Variants in PTPRD observed in about 807,000 individuals in gnomAD.
PTPRD encodes the protein protein tyrosine phosphatase receptor type D, also known as receptor-type tyrosine-protein phosphatase delta.
A neutral mutation model predicts 214.5 loss-of-function variants in PTPRD; 34 were observed. That is an observed-to-expected ratio of 0.16 (90% confidence interval 0.12 to 0.21). The LOEUF is 0.21. Among genes scored for constraint, PTPRD ranks in the 10% least tolerant of loss-of-function variants. The pLI, the probability that PTPRD is intolerant of heterozygous loss-of-function variation, is 1.00. For missense variants in PTPRD, 2,545 were observed against 2,398.7 expected, an observed-to-expected ratio of 1.06 and a Z score of -1.27; for synonymous variants, 1,128 against 845.7, an observed-to-expected ratio of 1.33 and a Z score of -5.79.
chr9:8,796,919 T>C (rs1456979322), intron 11 of PTPRD, among the ~76,000 whole-genome samples: 3 of 152,128 alleles, frequency 2.0e-5, no homozygotes, highest in African/African-American at 7.2e-5. Flanking sequence ...CAGAGTATTT[T>C]CCATGTTAAA....
intron 10 of PTPRD, among the ~76,000 whole-genome samples, chr9:9,114,147 A>G (rs981775819): frequency 4.6e-5 from 7 of 152,202 alleles, no homozygotes; most frequent in Non-Finnish European, 1.0e-4. Context: ...GTCAATGCAA[A>G]CAAAACAAGA....
chr9:9,185,347 C>T (rs2099930685), intron 9 of PTPRD, among the ~76,000 whole-genome samples: 1 of 151,992 alleles, frequency 6.6e-6, no homozygotes, highest in African/African-American at 2.4e-5. Context: ...CACTTCTCTC[C>T]CTTTCCCCTA....
chr9:9,859,594 T>C (rs527979328), intron 5 of PTPRD, among the ~76,000 whole-genome samples: 5 of 152,342 alleles, frequency 3.3e-5, no homozygotes, highest in East Asian at 1.9e-4. Context: ...CTTGTCATAT[T>C]TGTATAAATA....
At chr9:9,326,382 G>T (rs940492610) in intron 9 of PTPRD, among the ~76,000 whole-genome samples, 1 of 151,946 alleles carries the variant, frequency 6.6e-6, no homozygotes, top group Non-Finnish European at 1.5e-5. Flanking sequence ...AATTAACAAA[G>T]AATTATGAAA....
intron 11 of PTPRD, among the ~76,000 whole-genome samples, chr9:8,999,054 A>T (rs1260803100): frequency 6.6e-6 from 1 of 152,078 alleles, no homozygotes; most frequent in Non-Finnish European, 1.5e-5. Context: ...ATTGCATGAG[A>T]CGGAATCTAC....
At chr9:10,462,722 G>T (rs895355652) in intron 2 of PTPRD, among the ~76,000 whole-genome samples, 2 of 147,802 alleles carry the variant, frequency 1.4e-5, no homozygotes, top group African/African-American at 5.2e-5. Flanking sequence ...GGAAAAAAAA[G>T]AAGGATATAA....
chr9:10,394,701 C>A (rs996324913), intron 2 of PTPRD, among the ~76,000 whole-genome samples: 1 of 151,708 alleles, frequency 6.6e-6, no homozygotes, highest in African/African-American at 2.4e-5. Context: ...ATCTGGGGCA[C>A]AATTTTATTT....
intron 11 of PTPRD, among the ~76,000 whole-genome samples, chr9:8,988,890 T>A (rs966376715): frequency 1.3e-5 from 2 of 152,124 alleles, no homozygotes; most frequent in Non-Finnish European, 2.9e-5. Flanking sequence ...AGAGATATCA[T>A]TCAGAAGAAA....
At chr9:9,038,344 G>C (rs1330885958) in intron 10 of PTPRD, among the ~76,000 whole-genome samples, 2 of 152,074 alleles carry the variant, frequency 1.3e-5, no homozygotes, top group Non-Finnish European at 2.9e-5. Context: ...CTTCGTCTCA[G>C]ATGTATTCAT....
intron 3 of PTPRD, among the ~76,000 whole-genome samples, chr9:10,337,974 T>C (rs1173144423): frequency 2.0e-5 from 3 of 151,726 alleles, no homozygotes; most frequent in Non-Finnish European, 4.4e-5. Context: ...TAAAATTTTT[T>C]TTAAATTTAT....
chr9:8,849,383 C>T (rs1056253652), intron 11 of PTPRD, among the ~76,000 whole-genome samples: 16 of 151,888 alleles, frequency 1.1e-4, no homozygotes, highest in Admixed American at 4.6e-4. Context: ...CCCACCACCA[C>T]GCCCAGCTTA....
chr9:8,647,288 G>T (rs573377802), intron 12 of PTPRD, among the ~76,000 whole-genome samples: 1 of 151,854 alleles, frequency 6.6e-6, no homozygotes, highest in Non-Finnish European at 1.5e-5. Flanking sequence ...CTAATTGTAC[G>T]TATTTATTAT....
At position 10,477,577 on chromosome 9, in the gene PTPRD, TCTTCAAGGA is replaced by T. The variant is rs1478171833; in HGVS notation, c.-600+134812_-600+134820del. On this transcript the variant is annotated intron_variant, in intron 2 of 45. Transcript: ENST00000381196. ...CCATTGTGGAAGACAGTGTGGTGATTCTTCAAGGATCTAGAACCAGAAATACCATTTGAC... is the reference window on the plus strand; with the variant it reads ...CCATTGTGGAAGACAGTGTGGTGATTTCTAGAACCAGAAATACCATTTGAC... Among the ~76,000 whole-genome samples, 13 of 152,238 alleles carry T rather than the reference TCTTCAAGGA, an allele frequency of 8.5e-5. No individual in the cohort carries two copies. The South Asian group carries it at 2.7e-3, about 32-fold the overall frequency.
chr9:9,252,416 A>G (rs2099975864), intron 9 of PTPRD, among the ~76,000 whole-genome samples: 1 of 151,998 alleles, frequency 6.6e-6, no homozygotes, highest in Non-Finnish European at 1.5e-5. Context: ...CCACCTTCCT[A>G]TAACTTGTCT....
intron 11 of PTPRD, among the ~76,000 whole-genome samples, chr9:8,763,035 T>A (rs954236417): frequency 6.6e-6 from 1 of 152,136 alleles, no homozygotes; most frequent in African/African-American, 2.4e-5. Flanking sequence ...TCAGGTAGGC[T>A]CAGGATCCTG....
intron 11 of PTPRD, among the ~76,000 whole-genome samples, chr9:8,819,465 C>A (rs2096996967): frequency 6.6e-6 from 1 of 152,148 alleles, no homozygotes; most frequent in Non-Finnish European, 1.5e-5. Context: ...GATTCAAGAT[C>A]AGCCTGGCCA....
chr9:8,592,620 C>T (rs2094193304), intron 14 of PTPRD, among the ~76,000 whole-genome samples: 1 of 152,102 alleles, frequency 6.6e-6, no homozygotes, highest in African/African-American at 2.4e-5. Context: ...AAATAATAAG[C>T]AGGCTTCCTG....
At chr9:9,863,985 G>A (rs566181016) in intron 5 of PTPRD, among the ~76,000 whole-genome samples, 1 of 152,118 alleles carries the variant, frequency 6.6e-6, no homozygotes, top group African/African-American at 2.4e-5. Flanking sequence ...ATATCCAAAA[G>A]ATTGTTCCAT....
At chr9:8,782,819 CT>C in intron 11 of PTPRD, among the ~76,000 whole-genome samples, 1 of 152,218 alleles carries the variant, frequency 6.6e-6, no homozygotes, top group Non-Finnish European at 1.5e-5. Flanking sequence ...TGGTCTCGAA[CT>C]CCTGACCTCG....
Sources: gnomAD v4.1 joint callset for allele counts (sites outside exome capture counted in the v4.1 genomes callset) on GRCh38, gnomAD v4.1.1 for gene constraint, MANE v1.5 for transcripts, NCBI Gene and HGNC (gene_info 2026-07-23, HGNC 2026-07-21) for gene names.